The following COL4A6 variants were observed in gnomAD, a reference collection of about 807,000 sequenced individuals.
COL4A6 encodes the protein collagen alpha-6(IV) chain.
In COL4A6, 59 loss-of-function variants were observed where a neutral mutation model predicts 126.7. The observed-to-expected ratio is 0.47, with a 90% CI of 0.38 to 0.58. COL4A6 has a LOEUF of 0.58. Ranked by LOEUF, COL4A6 falls within the 20% of genes least tolerant of loss-of-function variation. The probability of loss-of-function intolerance (pLI) is 0.00; values close to 1 mark genes in which losing one functional copy is unlikely to be tolerated. For synonymous variants in COL4A6, 547 were observed against 496.6 expected (o/e 1.10, Z -1.35); for missense variants, 1,285 against 1,337.3 (o/e 0.96, Z 0.61).
At chrX:108,427,486 G>A (rs1252949330) in intron 2 of COL4A6, among the ~76,000 whole-genome samples, 1 of 112,017 alleles carries the variant, frequency 8.9e-6, no homozygotes, top group East Asian at 2.8e-4. Flanking sequence ...GCAAGACAGA[G>A]GATGAAAAAA....
At chrX:108,312,806 G>A (rs761914108) in intron 2 of COL4A6, among the ~76,000 whole-genome samples, 18 of 111,567 alleles carry the variant, frequency 1.6e-4, no homozygotes, top group Admixed American at 2.9e-4. Flanking sequence ...TGGAGCTATG[G>A]CCTACTTCCA....
intron 9 of COL4A6, 117 bp downstream of exon 9, chrX:108,206,401 T>C: frequency 1.4e-6 from 1 of 693,656 alleles, no homozygotes. Flanking sequence ...AGAATGGAGG[T>C]TGCCCTTGCT....
rs56872687 is a variant in COL4A6 at position 108,247,993 on chromosome X, G to T, written c.145-26619C>A. Among the ~76,000 whole-genome samples the T allele has an allele frequency of 1.3e-3, 149 of 111,527 alleles. No individual in the cohort carries two copies. In the East Asian group the frequency reaches 0.033, roughly 25 times the overall value. On this transcript the variant is annotated intron_variant, in intron 3 of 44. Coordinates refer to ENST00000334504, the MANE Select transcript of COL4A6 (RefSeq NM_033641.4). ...TGTGCATACATTTCTGAGGAGAGGA[G>T]AGGATATGTAGCTTCCATCAGATTC...
intron 3 of COL4A6, among the ~76,000 whole-genome samples, chrX:108,281,033 A>G (rs1412623325): frequency 1.9e-5 from 2 of 104,902 alleles, no homozygotes; most frequent in African/African-American, 3.5e-5. Context: ...CCCACAGCCA[A>G]TATCATACTG....
chrX:108,296,626 G>A (rs2038333690), intron 3 of COL4A6, among the ~76,000 whole-genome samples: 1 of 112,204 alleles, frequency 8.9e-6, no homozygotes, highest in Non-Finnish European at 1.9e-5. Flanking sequence ...TTTTCAAGGG[G>A]CTCATAATCA....
chrX:108,187,081 G>T lies in COL4A6; in HGVS notation c.1951+15C>A. ...CAAATTTCCAAGTCCAAAGCCATCT[G>T]ATTCTATGACTCACCCTTAGATCCG... On this transcript the variant is annotated intron_variant, in intron 23 of 44. Coordinates refer to ENST00000334504, the MANE Select transcript of COL4A6 (RefSeq NM_033641.4). The T allele has an allele frequency of 9.0e-7, 1 of 1,110,841 alleles. No individual in the cohort carries two copies. Among genetic ancestry groups the T allele is most frequent in the Non-Finnish European group, 1.2e-6 (1 of 837,995 alleles). 91.5% of individuals were successfully genotyped at this position (1,110,841 alleles called of 1,213,427 possible). A position where few individuals can be genotyped will look rare whatever the true frequency, so the allele number is the denominator to read the frequency against.
intron 3 of COL4A6, among the ~76,000 whole-genome samples, chrX:108,225,923 G>C (rs1239257526): frequency 8.9e-6 from 1 of 112,524 alleles, no homozygotes; most frequent in African/African-American, 3.2e-5. Context: ...TTAGAGCTTT[G>C]CTTTTCCCAG....
intron 3 of COL4A6, among the ~76,000 whole-genome samples, chrX:108,252,062 T>C (rs1296905530): frequency 9.0e-6 from 1 of 111,392 alleles, no homozygotes; most frequent in Non-Finnish European, 1.9e-5. Context: ...TACTATGCAA[T>C]AGAAGACAAG....
chrX:108,286,376 T>A (rs1156871838), intron 3 of COL4A6, among the ~76,000 whole-genome samples: 3 of 112,252 alleles, frequency 2.7e-5, no homozygotes, highest in Non-Finnish European at 5.6e-5. Context: ...ATGAGCAGGC[T>A]CTGAACTTGA....
intron 2 of COL4A6, among the ~76,000 whole-genome samples, chrX:108,423,641 C>A (rs898589537): frequency 2.7e-5 from 3 of 111,548 alleles, no homozygotes; most frequent in Non-Finnish European, 5.6e-5. Context: ...AATGCACACA[C>A]CTCTGACTTC....
At chrX:108,295,032 C>A (rs1317418341) in intron 3 of COL4A6, among the ~76,000 whole-genome samples, 1 of 112,382 alleles carries the variant, frequency 8.9e-6, no homozygotes, top group Non-Finnish European at 1.9e-5. Flanking sequence ...TTATCCTTAT[C>A]ATTTTTACAA....
At chrX:108,250,203 T>C (rs2036817484) in intron 3 of COL4A6, among the ~76,000 whole-genome samples, 1 of 111,194 alleles carries the variant, frequency 9.0e-6, no homozygotes, top group Non-Finnish European at 1.9e-5. Flanking sequence ...CTGTTCTCTA[T>C]AGAGTACTGC....
At position 108,178,685 on chromosome X, in the gene COL4A6, T is replaced by C; in HGVS notation, c.2514A>G (p.Ser838=). 3 of 1,210,667 alleles carry C rather than the reference T, an allele frequency of 2.5e-6. No individual in the cohort carries two copies. Among genetic ancestry groups the C allele is most frequent in the Non-Finnish European group, 3.4e-6 (3 of 894,966 alleles). Residue 838 remains serine, a splice_region_variant and synonymous_variant, in exon 27 of 45, where the codon TCA becomes TCG. Transcript: ENST00000334504. ...GGACTCTTCCTCTGAAGGACCTACC[T>C]GAGATGCCTGGGAAGCCTGGTGCTC... ...LPGAPGFPGI[S]GHPGKKGTRG...
chrX:108,421,131 T>C (rs990485531), intron 2 of COL4A6, among the ~76,000 whole-genome samples: 11 of 112,392 alleles, frequency 9.8e-5, no homozygotes, highest in Middle Eastern at 4.6e-3. Context: ...TGAACAGCAG[T>C]GCAGGACATT....
At chrX:108,261,397 T>C (rs2037158056) in intron 3 of COL4A6, among the ~76,000 whole-genome samples, 2 of 111,325 alleles carry the variant, frequency 1.8e-5, no homozygotes, top group Non-Finnish European at 3.8e-5. Flanking sequence ...AAAGCTGCCA[T>C]GAAGGCTCAT....
intron 2 of COL4A6, among the ~76,000 whole-genome samples, chrX:108,370,777 G>A (rs763715568): frequency 9.0e-6 from 1 of 111,495 alleles, no homozygotes; most frequent in South Asian, 3.9e-4. Context: ...TAGAGGTGGA[G>A]AAATTAAAGC....
chrX:108,176,549 A>AGCCTC (rs1364108560), intron 28 of COL4A6, among the ~76,000 whole-genome samples: 2 of 111,364 alleles, frequency 1.8e-5, no homozygotes, highest in Non-Finnish European at 3.8e-5. Context: ...GAGTGCTATC[A>AGCCTC]GCCTCCATGG....
intron 2 of COL4A6, among the ~76,000 whole-genome samples, chrX:108,420,538 G>A (rs2063965892): frequency 8.9e-6 from 1 of 112,038 alleles, no homozygotes; most frequent in Non-Finnish European, 1.9e-5. Context: ...TAGCTTGGCT[G>A]TTTTCCTCCA....
intron 3 of COL4A6, among the ~76,000 whole-genome samples, chrX:108,295,960 C>T (rs757218079): frequency 2.6e-4 from 29 of 112,068 alleles, no homozygotes; most frequent in Non-Finnish European, 4.7e-4. Flanking sequence ...GTTATTACCT[C>T]ATTTTAACTG....
Sources: allele counts gnomAD v4.1 joint callset (sites outside exome capture counted in the v4.1 genomes callset), GRCh38; gene constraint gnomAD v4.1.1; transcripts MANE v1.5; gene names NCBI Gene and HGNC (gene_info 2026-07-23, HGNC 2026-07-21).